Variants in NCALD observed in about 807,000 individuals in gnomAD.
NCALD encodes neurocalcin delta.
NCALD carries 10 observed loss-of-function variants against 18.6 expected under a neutral mutation model. That is an observed-to-expected ratio of 0.54 (90% confidence interval 0.33 to 0.91). The LOEUF is 0.91. Ranked by LOEUF, NCALD falls within the 40% of genes least tolerant of loss-of-function variation. NCALD has a pLI of 0.03. For synonymous variants in NCALD, 88 were observed against 87.4 expected, an observed-to-expected ratio of 1.01 and a Z score of -0.04; for missense variants, 184 against 247.6, an observed-to-expected ratio of 0.74 and a Z score of 1.72.
At chr8:101,875,441 A>G (rs917131865) in intron 4 of NCALD, among the ~76,000 whole-genome samples, 1 of 151,704 alleles carries the variant, frequency 6.6e-6, no homozygotes, top group Non-Finnish European at 1.5e-5. Context: ...TCATCACTTC[A>G]TTGTCCTTTT....
At chr8:101,906,236 A>G (rs1435475839) in intron 3 of NCALD, among the ~76,000 whole-genome samples, 2 of 152,212 alleles carry the variant, frequency 1.3e-5, no homozygotes, top group Non-Finnish European at 2.9e-5. Flanking sequence ...CACTTCTTAC[A>G]GATGATTCTT....
At chr8:101,744,963 GCCTTTGTA>G (rs940691353) in intron 1 of NCALD, among the ~76,000 whole-genome samples, 1 of 140,188 alleles carries the variant, frequency 7.1e-6, no homozygotes, top group African/African-American at 2.7e-5. Flanking sequence ...GACTGCTGGT[GCCTTTGTA>G]GGAATCAAAG....
At chr8:102,116,232 A>G (rs939016575) in intron 1 of NCALD, among the ~76,000 whole-genome samples, 4 of 152,222 alleles carry the variant, frequency 2.6e-5, no homozygotes, top group Non-Finnish European at 5.9e-5. Context: ...CGTTGTGCAC[A>G]TGTACCCTAG....
chr8:101,891,931 G>T (rs541345028), intron 3 of NCALD, among the ~76,000 whole-genome samples: 10 of 152,314 alleles, frequency 6.6e-5, no homozygotes, highest in South Asian at 2.1e-4. Context: ...CAGCGAGGCT[G>T]GGGGAGGGGC....
rs373820409 is a variant in NCALD at position 102,006,528 on chromosome 8, C to G, written c.-157+13709G>C. On this transcript the variant is annotated intron_variant, in intron 2 of 6. Coordinates refer to the NCALD transcript ENST00000311028. ...TCTCTCCCCTCTCTGTGCCCGGGAA[C>G]AGTATGGTCCATTCCCTGCCCTCTG... Among the ~76,000 whole-genome samples the G allele has an allele frequency of 6.1e-4, 93 of 152,322 alleles. 1 individual carries two copies. In the East Asian group the frequency reaches 0.014, roughly 23 times the overall value.
chr8:101,932,072 C>G (rs960484547), intron 2 of NCALD, among the ~76,000 whole-genome samples: 1 of 152,196 alleles, frequency 6.6e-6, no homozygotes, highest in Non-Finnish European at 1.5e-5. Context: ...TAAGCTACAT[C>G]CCACCTACCC....
At chr8:101,893,824 T>G (rs1176670966) in intron 3 of NCALD, among the ~76,000 whole-genome samples, 1 of 143,960 alleles carries the variant, frequency 6.9e-6, no homozygotes, top group Non-Finnish European at 1.5e-5. Context: ...CTATCCTAAA[T>G]ATATATGCAC....
intron 1 of NCALD, among the ~76,000 whole-genome samples, chr8:102,022,310 A>G (rs1309615559): frequency 6.6e-6 from 1 of 152,238 alleles, no homozygotes; most frequent in Non-Finnish European, 1.5e-5. Flanking sequence ...GTATTCTATG[A>G]TCATTTCAGT....
rs1439680893 is a variant in NCALD at position 101,688,811 on chromosome 8, A to G, written c.*498T>C. 2 of 623,104 alleles carry G rather than the reference A, an allele frequency of 3.2e-6. No homozygotes were observed. The highest frequency in any genetic ancestry group is 3.6e-5 in the African/African-American group (2 of 55,408). The allele number at this position is 623,104 out of a possible 1,614,324, so 38.6% of individuals were successfully genotyped here. A position where few individuals can be genotyped will look rare whatever the true frequency, so the allele number is the denominator to read the frequency against. On this transcript the variant is annotated 3_prime_UTR_variant, in exon 4 of 4. Coordinates refer to ENST00000220931, the MANE Select transcript of NCALD (RefSeq NM_032041.3). ...GTGGGCCCCCATGGGGAAATGTCCC[A>G]GCTCGCTGGAATAGCCTCACCCCAG...
chr8:102,050,148 G>T (rs547159665), intron 1 of NCALD, among the ~76,000 whole-genome samples: 1 of 93,822 alleles, frequency 1.1e-5, no homozygotes, highest in African/African-American at 4.1e-5. Context: ...CGGCCTGGGC[G>T]ACAGAGCGAG....
chr8:102,077,699 G>C (rs1357850311), intron 1 of NCALD, among the ~76,000 whole-genome samples: 1 of 152,090 alleles, frequency 6.6e-6, no homozygotes, highest in Non-Finnish European at 1.5e-5. Flanking sequence ...CTACTGATTG[G>C]GCCAAGGACA....
intron 1 of NCALD, among the ~76,000 whole-genome samples, chr8:102,049,552 T>C (rs1046730896): frequency 6.6e-6 from 1 of 152,190 alleles, no homozygotes. Context: ...TTTGGGCAAA[T>C]ACCAAGAAAT....
intron 4 of NCALD, among the ~76,000 whole-genome samples, chr8:101,828,529 A>G (rs771413276): frequency 2.0e-5 from 3 of 149,148 alleles, no homozygotes; most frequent in Admixed American, 6.7e-5. Context: ...TAAAATTGCA[A>G]TGTATTCCTT....
At chr8:101,911,697 T>G (rs1036013250) in intron 3 of NCALD, among the ~76,000 whole-genome samples, 22 of 152,122 alleles carry the variant, frequency 1.4e-4, no homozygotes, top group Non-Finnish European at 1.6e-4. Context: ...CAATATATAT[T>G]TCCTTTTCAT....
rs114004913 is a variant in NCALD at position 101,989,675 on chromosome 8, T to C, written c.-157+30562A>G. The stretch of plus-strand genomic sequence containing the variant: ...CGGACTATAGCCCTGTTTGCTGATG[T>C]TGTTCTGCTGACTCACTTGCTTCTC... On this transcript the variant is annotated intron_variant, in intron 2 of 6. Coordinates refer to the NCALD transcript ENST00000311028. 6.1e-3 allele frequency among the ~76,000 whole-genome samples: 924 copies of C among 152,302 alleles called. 10 individuals carry two copies. Among genetic ancestry groups the C allele is most frequent in the African/African-American group, 0.018 (741 of 41,568 alleles).
chr8:101,887,511 A>G (rs1816718147), intron 3 of NCALD, among the ~76,000 whole-genome samples: 1 of 152,178 alleles, frequency 6.6e-6, no homozygotes, highest in Admixed American at 6.5e-5. Context: ...CTACGCAGGC[A>G]ATTTATTACA....
At chr8:102,092,028 C>A (rs1416376075) in intron 1 of NCALD, among the ~76,000 whole-genome samples, 1 of 152,166 alleles carries the variant, frequency 6.6e-6, no homozygotes, top group African/African-American at 2.4e-5. Flanking sequence ...GGGCTGCAAT[C>A]CCAGACTGTT....
intron 4 of NCALD, among the ~76,000 whole-genome samples, chr8:101,831,225 T>C (rs954262480): frequency 2.0e-5 from 3 of 152,174 alleles, no homozygotes; most frequent in Admixed American, 1.3e-4. Flanking sequence ...TCTAGTGAAA[T>C]AGCATGAACC....
At chr8:101,932,055 A>G (rs927033950) in intron 2 of NCALD, among the ~76,000 whole-genome samples, 3 of 152,092 alleles carry the variant, frequency 2.0e-5, no homozygotes, top group African/African-American at 7.2e-5. Flanking sequence ...CCTCACCTTG[A>G]GCTCCCTAAG....
Sources: allele counts gnomAD v4.1 joint callset (sites outside exome capture counted in the v4.1 genomes callset), GRCh38; gene constraint gnomAD v4.1.1; transcripts MANE v1.5; gene names NCBI Gene and HGNC (gene_info 2026-07-23, HGNC 2026-07-21).